Variants in DIP2A observed in about 807,000 individuals in gnomAD.
DIP2A encodes disco-interacting protein 2 homolog A.
In DIP2A, 85 loss-of-function variants were observed where a neutral mutation model predicts 177.4. That is an observed-to-expected ratio of 0.48 (90% CI 0.40 to 0.57). DIP2A has a LOEUF of 0.57. DIP2A is among the 20% of genes least tolerant of loss of function. DIP2A has a pLI of 0.00. For synonymous variants in DIP2A, 886 were observed against 881.8 expected, an observed-to-expected ratio of 1.00 and a Z score of -0.08; for missense variants, 1,791 against 2,100.2, an observed-to-expected ratio of 0.85 and a Z score of 2.88.
In DIP2A at chr21:46,538,557, C is replaced by A; in HGVS notation, c.1876C>A (p.Leu626Ile). The A allele has an allele frequency of 6.4e-7, 1 of 1,564,836 alleles. No individual in the cohort carries two copies. Among genetic ancestry groups the A allele is most frequent in the Admixed American group, 1.9e-5 (1 of 53,540 alleles). ...TCAGCGGGGCCAGAGGGACGTCAGC[C>A]TCAGCTCACTGCGCATGCTGATTGT... ...LAQRGQRDVS[L>I]SSLRMLIVAD... is the part of the protein sequence containing the mutation. Residue 626 changes from leucine (L) to isoleucine (I), a missense_variant, in exon 16 of 38, where the codon CTC becomes ATC. By Grantham distance (5) the Leu-to-Ile change is conservative. Coordinates refer to ENST00000417564, the MANE Select transcript of DIP2A (RefSeq NM_015151.4).
At chr21:46,555,661 T>C in intron 28 of DIP2A, 1 of 353,400 alleles carries the variant, frequency 2.8e-6, no homozygotes, top group South Asian at 2.6e-5. Context: ...TGCCATAGGC[T>C]CTGTGACTTT....
At chr21:46,477,287 G>A (rs1352340551) in intron 1 of DIP2A, among the ~76,000 whole-genome samples, 2 of 151,948 alleles carry the variant, frequency 1.3e-5, no homozygotes, top group African/African-American at 4.8e-5. Flanking sequence ...GCTCACGTCT[G>A]TAATCCCAGC....
At position 46,464,817 on chromosome 21, in the gene DIP2A, CTTTTTTTTTTTTTTT is replaced by C. The variant is rs1168153777; in HGVS notation, c.91+5608_91+5622del. On this transcript the variant is annotated intron_variant, in intron 1 of 37. Transcript: ENST00000417564. ...TCTTCCTTTTTCTTAATATTCATGTCTTTTTTTTTTTTTTTTTTTTTTTTTTTCAAGAAAACACAC... is the reference window on the plus strand; with the variant it reads ...TCTTCCTTTTTCTTAATATTCATGTCTTTTTTTTTTTTCAAGAAAACACAC... Among the ~76,000 whole-genome samples, 111 of 73,440 alleles carry C rather than the reference CTTTTTTTTTTTTTTT, an allele frequency of 1.5e-3. 1 individual carries two copies. The highest frequency in any genetic ancestry group is 7.0e-3 in the Middle Eastern group (1 of 142). The allele number at this position is 73,440 out of a possible 152,430, so 48.2% of individuals were successfully genotyped here. A position where few individuals can be genotyped will look rare whatever the true frequency, so the allele number is the denominator to read the frequency against.
intron 18 of DIP2A, 42 bp from the exon 19 acceptor site, chr21:46,545,095 A>G: frequency 6.5e-7 from 1 of 1,547,918 alleles, no homozygotes; most frequent in Non-Finnish European, 8.8e-7. Context: ...TGATCCATTT[A>G]AACACGTTCT....
intron 1 of DIP2A, among the ~76,000 whole-genome samples, chr21:46,468,637 A>G (rs148914198): frequency 6.6e-6 from 1 of 152,274 alleles, no homozygotes; most frequent in East Asian, 1.9e-4. Context: ...CATAGTGCAT[A>G]TAGTTAACAA....
At chr21:46,576,665 G>T in the DIP2A span, among the ~76,000 whole-genome samples, 2 of 152,240 alleles carry the variant, frequency 1.3e-5, no homozygotes, top group Middle Eastern at 6.8e-3. Flanking sequence ...GGGTCAAATG[G>T]TATTTCTGGG....
At chr21:46,580,886 C>T in the DIP2A span, among the ~76,000 whole-genome samples, 1 of 152,020 alleles carries the variant, frequency 6.6e-6, no homozygotes, top group Non-Finnish European at 1.5e-5. Flanking sequence ...TTTTTTCCTT[C>T]ATTTTGACCT....
At chr21:46,539,609 C>T in intron 16 of DIP2A, 1 of 470,712 alleles carries the variant, frequency 2.1e-6, no homozygotes, top group Non-Finnish European at 3.9e-6. Context: ...TGTCTCCCAC[C>T]ACATGCAGCA....
rs374691753 is a variant in DIP2A at position 46,534,632 on chromosome 21, C to T, written c.1587C>T (p.His529=). Residue 529 remains histidine (H), a synonymous_variant, in exon 13 of 38, where the codon CAC becomes CAT. Transcript: ENST00000417564. ...EGSTVGVTVS[H]ASLLAQCRAL... is the part of the protein sequence containing the mutation. ...GTACGGTGGGGGTCACAGTGTCCCA[C>T]GCATCCCTGCTGGCACAGTGCCGGG... 48 of 1,612,886 alleles carry T rather than the reference C, an allele frequency of 3.0e-5. No individual in the cohort carries two copies. Among genetic ancestry groups the T allele is most frequent in the Non-Finnish European group, 4.0e-5 (47 of 1,179,876 alleles).
chr21:46,513,587 G>T (rs2058411495), intron 8 of DIP2A, among the ~76,000 whole-genome samples: 2 of 152,062 alleles, frequency 1.3e-5, no homozygotes, highest in Admixed American at 1.3e-4. Context: ...GAATTAACTT[G>T]TCAATTTCCA....
intron 2 of DIP2A, among the ~76,000 whole-genome samples, chr21:46,485,360 A>G (rs997406498): frequency 6.6e-6 from 1 of 152,204 alleles, no homozygotes; most frequent in Non-Finnish European, 1.5e-5. Flanking sequence ...CCCAACCAGG[A>G]TATGAAGAGT....
Position 46,565,695 on chromosome 21 carries a change from G to A in DIP2A, c.4165-18G>A. The A allele has an allele frequency of 6.2e-7, 1 of 1,606,478 alleles. No homozygotes were observed. Among genetic ancestry groups the A allele is most frequent in the Non-Finnish European group, 8.5e-7 (1 of 1,175,600 alleles). On this transcript the variant is annotated intron_variant, in intron 35 of 37. Transcript: ENST00000417564. ...GTGGTTGGTAACACATCACATTCTT[G>A]TCCTCTGGGCCCACCAGATCTGGGT... is the stretch of plus-strand genomic sequence containing the variant.
At chr21:46,564,774 G>C (rs1227489812) in intron 35 of DIP2A, among the ~76,000 whole-genome samples, 1 of 152,222 alleles carries the variant, frequency 6.6e-6, no homozygotes, top group Non-Finnish European at 1.5e-5. Flanking sequence ...GGGTGTGAGC[G>C]TGCGGGCCCT....
intron 8 of DIP2A, among the ~76,000 whole-genome samples, chr21:46,528,084 C>T (rs796097518): frequency 3.3e-5 from 5 of 152,200 alleles, no homozygotes; most frequent in African/African-American, 1.2e-4. Flanking sequence ...CTGTGCCTGG[C>T]GTGAGGTCCT....
At chr21:46,533,907 C>A in intron 11 of DIP2A, 97 bp from the exon 12 acceptor site, 2 of 1,097,980 alleles carry the variant, frequency 1.8e-6, no homozygotes, top group Non-Finnish European at 2.7e-6. Flanking sequence ...CTTATTCGCT[C>A]AGTAGCTAGT....
chr21:46,511,887 G>T (rs572447922), intron 8 of DIP2A, among the ~76,000 whole-genome samples: 2 of 152,228 alleles, frequency 1.3e-5, no homozygotes, highest in South Asian at 4.1e-4. Flanking sequence ...TTTCAACTTT[G>T]TATAAGGGGA....
At chr21:46,571,406 T>C (rs535866144), downstream of DIP2A, among the ~76,000 whole-genome samples, 5 of 152,298 alleles carry the variant, frequency 3.3e-5, no homozygotes, top group South Asian at 1.0e-3. Context: ...TATATTGAAA[T>C]TTAAAGTAGT....
rs762357096 is a variant in DIP2A at position 46,555,951 on chromosome 21, A to G, written c.3389-31A>G. 13 of 1,504,624 alleles carry G rather than the reference A, an allele frequency of 8.6e-6. 1 individual carries two copies. Among genetic ancestry groups the G allele is most frequent in the African/African-American group, 2.7e-5 (2 of 72,800 alleles). 93.2% of individuals were successfully genotyped at this position (1,504,624 alleles called of 1,614,324 possible). On this transcript the variant is annotated intron_variant, in intron 28 of 37. Coordinates refer to ENST00000417564, the MANE Select transcript of DIP2A (RefSeq NM_015151.4). ...GAGCGTTCAGAATACATGTGGGAAC[A>G]CTAATGTTGCTGGTGTCTCCTGTTT...
rs192604979 is a variant in DIP2A at position 46,557,994 on chromosome 21, G to C, written c.3799-229G>C. Among the ~76,000 whole-genome samples the C allele has an allele frequency of 2.9e-4, 44 of 152,294 alleles. No individual in the cohort carries two copies. The highest frequency in any genetic ancestry group is 8.7e-4 in the African/African-American group (36 of 41,552). ...TAGGGCAGGGTCCCTGCGAGATAGC[G>C]GGGTGGAAGTCTGGCCGCGTGGGAG... On this transcript the variant is annotated intron_variant, in intron 31 of 37. Transcript: ENST00000417564. The surrounding 1 kb of genome is among the most constrained non-coding windows in gnomAD (Gnocchi z 6.0).
Sources: gnomAD v4.1 joint callset for allele counts (sites outside exome capture counted in the v4.1 genomes callset) on GRCh38, gnomAD v4.1.1 for gene constraint, Gnocchi (gnomAD v3.1) non-coding constraint, MANE v1.5 for transcripts, NCBI Gene and HGNC (gene_info 2026-07-23, HGNC 2026-07-21) for gene names.